CTNNBL1: variants seen among roughly 807,000 people sequenced by gnomAD.
CTNNBL1 encodes the protein beta-catenin-like protein 1.
CTNNBL1 carries 31 observed loss-of-function variants against 72.7 expected under a neutral mutation model. The ratio of observed to expected loss-of-function variants is 0.43; its 90% CI spans 0.32 to 0.58. The LOEUF (loss-of-function observed/expected upper bound fraction) is 0.58, where lower values mean the gene tolerates loss of function less well. Ranked by LOEUF, CTNNBL1 falls within the 20% of genes least tolerant of loss-of-function variation. CTNNBL1 has a pLI of 0.08. For synonymous variants in CTNNBL1, 240 were observed against 267.3 expected, an observed-to-expected ratio of 0.90 and a Z score of 1.00; for missense variants, 534 against 725.1, an observed-to-expected ratio of 0.74 and a Z score of 3.03.
At chr20:37,720,350 A>G (rs796315329) in intron 1 of CTNNBL1, among the ~76,000 whole-genome samples, 75 of 152,212 alleles carry the variant, frequency 4.9e-4, no homozygotes, top group African/African-American at 1.7e-3. Context: ...TTGTAGACAC[A>G]GGGTCTCACC....
At chr20:37,804,029 ACCTT>A (rs1040000616) in intron 11 of CTNNBL1, among the ~76,000 whole-genome samples, 1 of 152,088 alleles carries the variant, frequency 6.6e-6, no homozygotes, top group Non-Finnish European at 1.5e-5. Context: ...GGTGTGACCT[ACCTT>A]CAGTGGTTAT....
chr20:37,865,214 CCAACAGGCATA>C (rs1225183346), intron 15 of CTNNBL1, among the ~76,000 whole-genome samples: 1 of 152,068 alleles, frequency 6.6e-6, no homozygotes, highest in African/African-American at 2.4e-5. Flanking sequence ...GACCCTGTCC[CCAACAGGCATA>C]CGTCCCTCAC....
chr20:37,722,473 AAAATAAATAAATAAATAAATAAAT>A (rs60211876), intron 1 of CTNNBL1, among the ~76,000 whole-genome samples: 116 of 142,270 alleles, frequency 8.2e-4, no homozygotes, highest in South Asian at 7.1e-3. Context: ...GGCTCCGTCT[AAAATAAATAAATAAATAAATAAAT>A]AAATAAATAA....
chr20:37,713,888 G>A (rs1247065974), intron 1 of CTNNBL1, among the ~76,000 whole-genome samples: 1 of 152,138 alleles, frequency 6.6e-6, no homozygotes, highest in Non-Finnish European at 1.5e-5. Flanking sequence ...GCTTTGTGCT[G>A]TTCGACTTAT....
intron 1 of CTNNBL1, among the ~76,000 whole-genome samples, chr20:37,704,021 C>T (rs767076802): frequency 5.6e-4 from 85 of 152,168 alleles, no homozygotes; most frequent in Non-Finnish European, 4.6e-4. Flanking sequence ...AGGTGATCCA[C>T]CTGTCTCGAC....
At chr20:37,842,519 T>A in intron 13 of CTNNBL1, 100 bp downstream of exon 13, 1 of 795,926 alleles carries the variant, frequency 1.3e-6, no homozygotes, top group Non-Finnish European at 2.2e-6. Flanking sequence ...AGGGCAGCAG[T>A]GCCATCTAAC....
chr20:37,815,968 T>TA (rs2072054596), intron 11 of CTNNBL1, among the ~76,000 whole-genome samples: 1 of 152,224 alleles, frequency 6.6e-6, no homozygotes, highest in African/African-American at 2.4e-5. Flanking sequence ...AGCCTGCAGG[T>TA]TGCTGGGGAA....
At chr20:37,783,477 C>CT (rs2073644506) in intron 10 of CTNNBL1, among the ~76,000 whole-genome samples, 1 of 151,950 alleles carries the variant, frequency 6.6e-6, no homozygotes, top group African/African-American at 2.4e-5. Context: ...AGTTTTTCTA[C>CT]TTTTTTGTTG....
In CTNNBL1 at chr20:37,771,422, C is replaced by T. The variant is rs190427298; in HGVS notation, c.750+3378C>T. On this transcript the variant is annotated intron_variant, in intron 7 of 15. Coordinates refer to ENST00000361383, the MANE Select transcript of CTNNBL1 (RefSeq NM_030877.5). ...AGACTAATTTAAAACTCCATTTTCA[C>T]TATGCTATTACCCATTCAGAAACTT... Among the ~76,000 whole-genome samples, 4 of 152,312 alleles carry T rather than the reference C, an allele frequency of 2.6e-5. No homozygotes were observed. In the East Asian group the frequency reaches 7.7e-4, roughly 29 times the overall value.
chr20:37,862,793 T>C (rs1474108889), intron 15 of CTNNBL1, among the ~76,000 whole-genome samples: 1 of 142,976 alleles, frequency 7.0e-6, no homozygotes, highest in Non-Finnish European at 1.5e-5. Context: ...CCCATCACCC[T>C]TCATAGCCAG....
intron 7 of CTNNBL1, among the ~76,000 whole-genome samples, chr20:37,775,417 A>G (rs1311133482): frequency 6.6e-6 from 1 of 152,186 alleles, no homozygotes; most frequent in Non-Finnish European, 1.5e-5. Context: ...CTCCTGGTTA[A>G]TGCAGTGTTC....
intron 11 of CTNNBL1, among the ~76,000 whole-genome samples, chr20:37,835,761 C>A (rs1182315485): frequency 1.3e-5 from 2 of 152,114 alleles, no homozygotes; most frequent in African/African-American, 4.8e-5. Flanking sequence ...ACCTAAAATA[C>A]CCATGAATGG....
chr20:37,709,242 G>A (rs1425392816), intron 1 of CTNNBL1, among the ~76,000 whole-genome samples: 1 of 152,176 alleles, frequency 6.6e-6, no homozygotes, highest in East Asian at 1.9e-4. Context: ...ATTGATTCTT[G>A]AACAGTTTTG....
At chr20:37,795,184 G>T (rs2073762000) in intron 10 of CTNNBL1, among the ~76,000 whole-genome samples, 2 of 150,454 alleles carry the variant, frequency 1.3e-5, no homozygotes, top group Admixed American at 1.3e-4. Flanking sequence ...GCCCAGGCTG[G>T]CATGCAGTGA....
intron 11 of CTNNBL1, among the ~76,000 whole-genome samples, chr20:37,833,526 G>A (rs1463967058): frequency 1.3e-5 from 2 of 152,286 alleles, no homozygotes; most frequent in East Asian, 1.9e-4. Flanking sequence ...ATTTGAAAAT[G>A]TAGATTTGCC....
intron 1 of CTNNBL1, among the ~76,000 whole-genome samples, chr20:37,717,362 G>A (rs1180879468): frequency 1.3e-5 from 2 of 152,286 alleles, no homozygotes; most frequent in South Asian, 4.1e-4. Flanking sequence ...GTGTGAGTTC[G>A]CTGGTTGCAG....
chr20:37,791,566 T>C (rs1357796981), intron 10 of CTNNBL1, among the ~76,000 whole-genome samples: 6 of 152,210 alleles, frequency 3.9e-5, no homozygotes, highest in Non-Finnish European at 8.8e-5. Flanking sequence ...TTTGTCTTAT[T>C]GAATTTTAAT....
chr20:37,852,495 C>T (rs1350501270), intron 13 of CTNNBL1, among the ~76,000 whole-genome samples: 1 of 152,200 alleles, frequency 6.6e-6, no homozygotes, highest in Non-Finnish European at 1.5e-5. Context: ...CAGCTTGAGG[C>T]ATTTCTCATA....
At chr20:37,777,742 G>A (rs780368337) in intron 9 of CTNNBL1, 30 bp downstream of exon 9, 2 of 1,606,172 alleles carry the variant, frequency 1.2e-6, no homozygotes, top group Admixed American at 1.7e-5. Flanking sequence ...CCTGTCTGCT[G>A]TAAGATACAT....
Sources: allele counts gnomAD v4.1 joint callset (sites outside exome capture counted in the v4.1 genomes callset), GRCh38; gene constraint gnomAD v4.1.1; transcripts MANE v1.5; gene names NCBI Gene and HGNC (gene_info 2026-07-23, HGNC 2026-07-21).